Variants in SRBD1 observed in about 807,000 individuals in gnomAD.
The protein encoded by SRBD1 is S1 RNA-binding domain-containing protein 1.
In SRBD1, 88 loss-of-function variants were observed where a neutral mutation model predicts 115.3. That is an observed-to-expected ratio of 0.76 (90% CI 0.64 to 0.91). SRBD1 has a LOEUF of 0.91. SRBD1 is among the 40% of genes least tolerant of loss of function. SRBD1 has a pLI of 0.00. For synonymous variants in SRBD1, 509 were observed against 407.7 expected (o/e 1.25, Z -2.99); for missense variants, 1,385 against 1,177.4 (o/e 1.18, Z -2.58).
intron 15 of SRBD1, among the ~76,000 whole-genome samples, chr2:45,486,722 C>A (rs115495494): frequency 0.082 from 12,311 of 150,636 alleles, 671 homozygotes; most frequent in African/African-American, 0.15. Context: ...GACAGCGAGA[C>A]CCCATCTCAA....
At position 45,546,229 on chromosome 2, in the gene SRBD1, T is replaced by C. The variant is rs1005735775; in HGVS notation, c.1874+503A>G. The stretch of plus-strand genomic sequence containing the variant: ...CTAATCCAAAGCTATTCACAAGTTA[T>C]CTGTATGCCTATATGAAATAAAAGT... On this transcript the variant is annotated intron_variant, in intron 14 of 20. Coordinates refer to ENST00000263736, the MANE Select transcript of SRBD1 (RefSeq NM_018079.5). 18 of 985,266 alleles carry C rather than the reference T, an allele frequency of 1.8e-5. No individual in the cohort carries two copies. In the Admixed American group the frequency reaches 2.5e-4, roughly 13 times the overall value. The allele number at this position is 985,266 out of a possible 1,614,324, so 61.0% of individuals were successfully genotyped here.
Position 45,571,008 on chromosome 2 carries a change from G to A in SRBD1, c.1305+2199C>T, listed in dbSNP as rs144474266. ...AAAAAACCTGTGAAAAAATAAACTT[G>A]GAAATGAGATATTTGAGGGAAAAGG... On this transcript the variant is annotated intron_variant, in intron 9 of 20. Transcript: ENST00000263736. Among the ~76,000 whole-genome samples the A allele has an allele frequency of 1.3e-3, 192 of 152,192 alleles. 2 individuals carry two copies. The highest frequency in any genetic ancestry group is 6.7e-3 in the Admixed American group (103 of 15,272).
chr2:45,573,913 C>A (rs1156483941), intron 8 of SRBD1, among the ~76,000 whole-genome samples: 1 of 152,170 alleles, frequency 6.6e-6, no homozygotes, highest in African/African-American at 2.4e-5. Flanking sequence ...CTCCTCCTTT[C>A]CTCTCCTCTG....
chr2:45,485,384 C>T (rs1670086722), intron 15 of SRBD1, among the ~76,000 whole-genome samples: 1 of 152,170 alleles, frequency 6.6e-6, no homozygotes, highest in Admixed American at 6.5e-5. Flanking sequence ...TATCTCCTTT[C>T]CCATTCCTTT....
intron 14 of SRBD1, among the ~76,000 whole-genome samples, chr2:45,529,648 C>G (rs6718453): frequency 0.29 from 43,411 of 151,718 alleles, 6,454 homozygotes; most frequent in African/African-American, 0.37. Context: ...TTCCTATTTA[C>G]AACCAGATAC....
intron 10 of SRBD1, among the ~76,000 whole-genome samples, chr2:45,556,770 A>G (rs777780522): frequency 6.6e-6 from 1 of 152,026 alleles, no homozygotes; most frequent in Non-Finnish European, 1.5e-5. Flanking sequence ...GCCTTGCTCT[A>G]TGTTCATGGT....
At position 45,513,413 on chromosome 2, in the gene SRBD1, C is replaced by G. The variant is rs1383997796; in HGVS notation, c.1875-25082G>C. On this transcript the variant is annotated intron_variant, in intron 14 of 20. Coordinates refer to ENST00000263736, the MANE Select transcript of SRBD1 (RefSeq NM_018079.5). ...TGAAAGTTCCTCTTCTCCAGAATGC[C>G]CCTTAAGGAAAAAAAAAAAACAACT... Among the ~76,000 whole-genome samples, 5 of 126,464 alleles carry G rather than the reference C, an allele frequency of 4.0e-5. No homozygotes were observed. The East Asian group carries it at 9.8e-4, about 25-fold the overall frequency. 83.0% of individuals were successfully genotyped at this position (126,464 alleles called of 152,430 possible). A position where few individuals can be genotyped will look rare whatever the true frequency, so the allele number is the denominator to read the frequency against.
intron 4 of SRBD1, among the ~76,000 whole-genome samples, chr2:45,591,590 A>G (rs1029646898): frequency 2.6e-5 from 4 of 152,112 alleles, no homozygotes; most frequent in African/African-American, 7.2e-5. Flanking sequence ...TGAGAAATGG[A>G]AAGGTGGATG....
At chr2:45,586,414 G>A (rs1188708367) in intron 4 of SRBD1, among the ~76,000 whole-genome samples, 4 of 152,154 alleles carry the variant, frequency 2.6e-5, no homozygotes, top group African/African-American at 9.7e-5. Context: ...GAACTAATAT[G>A]AAATGATTCA....
At chr2:45,563,294 G>C (rs1378863847) in intron 9 of SRBD1, among the ~76,000 whole-genome samples, 3 of 151,940 alleles carry the variant, frequency 2.0e-5, no homozygotes, top group East Asian at 1.9e-4. Context: ...AAACTAACTT[G>C]TTGCAAATCA....
At chr2:45,551,724 A>G (rs1428441473) in intron 11 of SRBD1, among the ~76,000 whole-genome samples, 1 of 152,198 alleles carries the variant, frequency 6.6e-6, no homozygotes, top group Non-Finnish European at 1.5e-5. Flanking sequence ...TTCGTATGCT[A>G]AAGTAAAAAG....
intron 1 of SRBD1, among the ~76,000 whole-genome samples, chr2:45,607,721 C>T (rs935936730): frequency 6.6e-6 from 1 of 152,150 alleles, no homozygotes; most frequent in African/African-American, 2.4e-5. Context: ...AGGAATATCT[C>T]TAAGTGTCCT....
At chr2:45,530,815 C>T (rs1431533627) in intron 14 of SRBD1, among the ~76,000 whole-genome samples, 1 of 151,972 alleles carries the variant, frequency 6.6e-6, no homozygotes, top group East Asian at 1.9e-4. Context: ...TTCTACTTTG[C>T]CTATGTCAAC....
intron 19 of SRBD1, among the ~76,000 whole-genome samples, chr2:45,411,278 G>A (rs1431827837): frequency 3.9e-5 from 6 of 152,196 alleles, no homozygotes; most frequent in Admixed American, 6.5e-5. Context: ...AGTGTTCTAT[G>A]TTGTACTGAG....
chr2:45,571,686 GAGTT>G (rs1418189068), intron 9 of SRBD1, among the ~76,000 whole-genome samples: 2 of 151,948 alleles, frequency 1.3e-5, no homozygotes, highest in Non-Finnish European at 2.9e-5. Context: ...AGAAAAGTAA[GAGTT>G]AGAAATTATA....
intron 14 of SRBD1, among the ~76,000 whole-genome samples, chr2:45,511,805 T>C (rs1014119779): frequency 6.6e-6 from 1 of 152,232 alleles, no homozygotes; most frequent in Non-Finnish European, 1.5e-5. Flanking sequence ...CTTTTTGGCA[T>C]TGTGGCTAAG....
At chr2:45,536,599 G>T (rs10490345) in intron 14 of SRBD1, among the ~76,000 whole-genome samples, 2 of 151,856 alleles carry the variant, frequency 1.3e-5, no homozygotes, top group Non-Finnish European at 2.9e-5. Flanking sequence ...TTTGACATGA[G>T]GAATTTTAAT....
chr2:45,525,544 C>T (rs1671414068), intron 14 of SRBD1, among the ~76,000 whole-genome samples: 1 of 151,786 alleles, frequency 6.6e-6, no homozygotes, highest in African/African-American at 2.4e-5. Flanking sequence ...TAGTTAATAA[C>T]AATATATTGT....
At chr2:45,551,024 C>T in intron 12 of SRBD1, 101 bp downstream of exon 12, 3 of 1,390,238 alleles carry the variant, frequency 2.2e-6, no homozygotes, top group Non-Finnish European at 2.9e-6. Flanking sequence ...ACTTTTTAAG[C>T]CTTTAAAATT....
Sources: allele counts gnomAD v4.1 joint callset (sites outside exome capture counted in the v4.1 genomes callset), GRCh38; gene constraint gnomAD v4.1.1; transcripts MANE v1.5; gene names NCBI Gene and HGNC (gene_info 2026-07-23, HGNC 2026-07-21).